The following CTSO variants were observed in gnomAD, a reference collection of about 807,000 sequenced individuals.
CTSO encodes cathepsin O.
A neutral mutation model predicts 42.4 loss-of-function variants in CTSO; 40 were observed. The observed-to-expected ratio is 0.94, with a 90% CI of 0.73 to 1.23. The LOEUF (loss-of-function observed/expected upper bound fraction) is 1.23, where lower values mean the gene tolerates loss of function less well. Ranked by LOEUF, CTSO falls within the 50% of genes most tolerant of loss-of-function variation. CTSO has a pLI of 0.00. For missense variants in CTSO, 441 were observed against 396.0 expected, an observed-to-expected ratio of 1.11 and a Z score of -0.96; for synonymous variants, 156 against 146.2, an observed-to-expected ratio of 1.07 and a Z score of -0.48.
At chr4:155,928,152 T>G (rs1359672290) in intron 7 of CTSO, among the ~76,000 whole-genome samples, 184 bp downstream of exon 7, 2 of 152,090 alleles carry the variant, frequency 1.3e-5, no homozygotes, top group African/African-American at 4.8e-5. Flanking sequence ...CTAAGGTCCC[T>G]CTTCCTTTTT....
At position 155,929,709 on chromosome 4, in the gene CTSO, C is replaced by T. The variant is rs913879458; in HGVS notation, c.675-4G>A. 1.9e-6 allele frequency: 3 copies of T among 1,599,384 alleles called. No homozygotes were observed. In the South Asian group the frequency reaches 3.4e-5, roughly 18 times the overall value. On this transcript the variant is annotated splice_polypyrimidine_tract_variant and splice_region_variant and intron_variant, in intron 5 of 7. Transcript: ENST00000433477. The stretch of plus-strand genomic sequence containing the variant: ...TGCCATTTCATCTTCTTGGTCACTA[C>T]CAAAAGAGGAAATATTTGGTTAGAA...
intron 1 of CTSO, among the ~76,000 whole-genome samples, chr4:155,951,092 T>A (rs1743665551): frequency 6.6e-6 from 1 of 152,090 alleles, no homozygotes; most frequent in Non-Finnish European, 1.5e-5. Context: ...AAATAAATAT[T>A]CCTAAATATA....
intron 1 of CTSO, among the ~76,000 whole-genome samples, chr4:155,947,935 T>C (rs1004346789): frequency 1.3e-5 from 2 of 152,182 alleles, no homozygotes; most frequent in Non-Finnish European, 2.9e-5. Context: ...GATGAATACA[T>C]AGGAAACTTC....
intron 5 of CTSO, among the ~76,000 whole-genome samples, chr4:155,934,117 C>A (rs1249002985): frequency 6.6e-6 from 1 of 152,168 alleles, no homozygotes; most frequent in Admixed American, 6.5e-5. Flanking sequence ...GTGGGATAGG[C>A]CCAGGGTCCT....
intron 3 of CTSO, 44 bp from the exon 4 acceptor site, chr4:155,939,582 T>A (rs779418828): frequency 2.0e-6 from 3 of 1,532,548 alleles, no homozygotes; most frequent in South Asian, 1.2e-5. Context: ...AGGGTTTAAA[T>A]CAACTTACCA....
chr4:155,929,865 G>A lies in CTSO; in HGVS notation c.675-160C>T, dbSNP rs540930597. ...TGAGAGACTGGTAGTCTATGGCTGGGATAGGGTTTCAGGATATCAGGAACC... is the reference window on the plus strand; with the variant it reads ...TGAGAGACTGGTAGTCTATGGCTGGAATAGGGTTTCAGGATATCAGGAACC... On this transcript the variant is annotated intron_variant, in intron 5 of 7. Coordinates refer to ENST00000433477, the MANE Select transcript of CTSO (RefSeq NM_001334.3). Among the ~76,000 whole-genome samples, 6 of 152,314 alleles carry A rather than the reference G, an allele frequency of 3.9e-5. No individual in the cohort carries two copies. In the East Asian group the frequency reaches 1.2e-3, roughly 29 times the overall value.
At chr4:155,934,839 A>G (rs1001262490) in intron 5 of CTSO, among the ~76,000 whole-genome samples, 2 of 152,102 alleles carry the variant, frequency 1.3e-5, no homozygotes, top group African/African-American at 4.8e-5. Context: ...GGCGGAAGGG[A>G]GTTGCCTTCT....
chr4:155,930,929 A>C (rs1743223819), intron 5 of CTSO, among the ~76,000 whole-genome samples: 1 of 152,144 alleles, frequency 6.6e-6, no homozygotes, highest in African/African-American at 2.4e-5. Flanking sequence ...AAAATTGTAA[A>C]ATTTTTAAAA....
intron 5 of CTSO, among the ~76,000 whole-genome samples, chr4:155,936,170 C>G (rs1743327242): frequency 6.6e-6 from 1 of 152,090 alleles, no homozygotes; most frequent in Non-Finnish European, 1.5e-5. Context: ...GAGATGTTGA[C>G]CACGGTACTC....
intron 3 of CTSO, among the ~76,000 whole-genome samples, chr4:155,940,650 C>T (rs1240031060): frequency 6.6e-6 from 1 of 152,116 alleles, no homozygotes; most frequent in Non-Finnish European, 1.5e-5. Flanking sequence ...CAAGACCAGC[C>T]TGACCAACAT....
Position 155,942,316 on chromosome 4 carries a change from C to A in CTSO, c.384+1G>T, listed in dbSNP as rs372106710. The A allele has an allele frequency of 2.6e-6, 4 of 1,560,630 alleles. No homozygotes were observed. The highest frequency in any genetic ancestry group is 3.5e-6 in the Non-Finnish European group (4 of 1,156,382). On this transcript the variant is annotated splice_donor_variant, in intron 3 of 7. Transcript: ENST00000433477. LOFTEE classifies it high-confidence loss of function. The stretch of plus-strand genomic sequence containing the variant: ...AGAAAAGAAGAGGGATTTCAACGTA[C>A]CATCTGCTGGTTTCTCACTTGTGTC...
At chr4:155,929,404 A>G in intron 6 of CTSO, 138 bp downstream of exon 6, 1 of 806,674 alleles carries the variant, frequency 1.2e-6, no homozygotes, top group Non-Finnish European at 1.9e-6. Flanking sequence ...TACTCCTATA[A>G]GATTGTTGAG....
chr4:155,935,686 G>A (rs1032376000), intron 5 of CTSO, among the ~76,000 whole-genome samples: 3 of 151,446 alleles, frequency 2.0e-5, no homozygotes, highest in Admixed American at 6.6e-5. Flanking sequence ...TTTATTTTTT[G>A]TGACTGTCTG....
At chr4:155,945,427 C>T (rs937907214) in intron 1 of CTSO, among the ~76,000 whole-genome samples, 1 of 152,040 alleles carries the variant, frequency 6.6e-6, no homozygotes, top group Non-Finnish European at 1.5e-5. Context: ...ACAAAATGGA[C>T]AAACTTTTTG....
intron 1 of CTSO, among the ~76,000 whole-genome samples, chr4:155,949,252 T>C (rs541875220): frequency 8.5e-5 from 13 of 152,246 alleles, no homozygotes; most frequent in African/African-American, 2.6e-4. Context: ...ACACAACTAG[T>C]ATTTGGTGGA....
intron 7 of CTSO, among the ~76,000 whole-genome samples, chr4:155,926,509 G>A (rs984573885): frequency 3.3e-5 from 5 of 152,086 alleles, no homozygotes; most frequent in East Asian, 1.9e-4. Context: ...CTTTACACAC[G>A]AGAACACAGA....
At chr4:155,940,587 G>A (rs1381023911) in intron 3 of CTSO, among the ~76,000 whole-genome samples, 1 of 152,198 alleles carries the variant, frequency 6.6e-6, no homozygotes, top group Non-Finnish European at 1.5e-5. Flanking sequence ...GCTCATGCCT[G>A]TAATCCCAGC....
At chr4:155,946,809 A>G (rs1471216483) in intron 1 of CTSO, among the ~76,000 whole-genome samples, 1 of 152,204 alleles carries the variant, frequency 6.6e-6, no homozygotes, top group African/African-American at 2.4e-5. Flanking sequence ...AAAACCATTA[A>G]TAACATTAAA....
intron 5 of CTSO, among the ~76,000 whole-genome samples, chr4:155,930,623 A>G (rs1743218582): frequency 2.0e-5 from 3 of 152,176 alleles, no homozygotes; most frequent in Admixed American, 1.3e-4. Flanking sequence ...GTTTACTGCT[A>G]TAGCAAGCCA....
Sources: gnomAD v4.1 joint callset for allele counts (sites outside exome capture counted in the v4.1 genomes callset) on GRCh38, gnomAD v4.1.1 for gene constraint, MANE v1.5 for transcripts, NCBI Gene and HGNC (gene_info 2026-07-23, HGNC 2026-07-21) for gene names.